The following ADCY8 variants were observed in gnomAD, a reference collection of about 807,000 sequenced individuals.
ADCY8 encodes the protein adenylate cyclase type 8.
A neutral mutation model predicts 119.7 loss-of-function variants in ADCY8; 51 were observed. That is an observed-to-expected ratio of 0.43 (90% CI 0.34 to 0.54). ADCY8 has a LOEUF of 0.54. Among genes scored for constraint, ADCY8 ranks in the 20% least tolerant of loss-of-function variants. The pLI is 0.03. For synonymous variants in ADCY8, 665 were observed against 651.0 expected, an observed-to-expected ratio of 1.02 and a Z score of -0.33; for missense variants, 1,383 against 1,598.8, an observed-to-expected ratio of 0.87 and a Z score of 2.30.
intron 11 of ADCY8, 25 bp downstream of exon 11, chr8:130,847,399 C>T: frequency 1.3e-6 from 2 of 1,556,356 alleles, no homozygotes; most frequent in Non-Finnish European, 1.8e-6. Context: ...CCAACTCTCA[C>T]CAAGGGGAGC....
At chr8:130,837,554 T>C (rs764021561) in intron 11 of ADCY8, among the ~76,000 whole-genome samples, 6 of 152,226 alleles carry the variant, frequency 3.9e-5, no homozygotes, top group Non-Finnish European at 8.8e-5. Flanking sequence ...AAATTTGGAA[T>C]TAGCCAAGAG....
At chr8:130,844,695 C>G (rs1374176538) in intron 11 of ADCY8, among the ~76,000 whole-genome samples, 3 of 152,312 alleles carry the variant, frequency 2.0e-5, no homozygotes, top group South Asian at 2.1e-4. Flanking sequence ...TATATGCACA[C>G]ACACATACAT....
chr8:130,982,900 T>A (rs1822281496), intron 2 of ADCY8, among the ~76,000 whole-genome samples: 1 of 152,224 alleles, frequency 6.6e-6, no homozygotes, highest in Non-Finnish European at 1.5e-5. Flanking sequence ...TGTCTCATTT[T>A]AAAACAGGCA....
chr8:130,909,775 ACTTC>A lies in ADCY8; in HGVS notation c.1569_1572del (p.Arg523SerfsTer54). On this transcript the variant is annotated frameshift_variant, in exon 6 of 18. Transcript: ENST00000286355. LOFTEE classifies it high-confidence loss of function. ...TCCCAAGACCAGACATCAAACTGCC[ACTTC>A]CTTAGTCCCAAAACACCGCACAGCA... is the stretch of plus-strand genomic sequence containing the variant. 6.2e-7 allele frequency: 1 copy of A among 1,614,096 alleles called. No individual in the cohort carries two copies. The highest frequency in any genetic ancestry group is 8.5e-7 in the Non-Finnish European group (1 of 1,180,012).
intron 1 of ADCY8, among the ~76,000 whole-genome samples, chr8:131,029,056 C>T (rs1246200228): frequency 6.6e-6 from 1 of 152,242 alleles, no homozygotes; most frequent in East Asian, 1.9e-4. Flanking sequence ...AGCCACTCCC[C>T]ATCGCTTGCA....
chr8:130,971,878 G>A (rs1396360914), intron 2 of ADCY8, among the ~76,000 whole-genome samples: 1 of 152,236 alleles, frequency 6.6e-6, no homozygotes, highest in South Asian at 2.1e-4. Context: ...AGATTATAAA[G>A]AGGCTTGTGT....
intron 5 of ADCY8, among the ~76,000 whole-genome samples, chr8:130,928,791 A>G (rs1224389498): frequency 6.6e-6 from 1 of 152,122 alleles, no homozygotes; most frequent in East Asian, 1.9e-4. Flanking sequence ...TGGTCTCTGG[A>G]TGATGCTAGC....
intron 7 of ADCY8, among the ~76,000 whole-genome samples, chr8:130,898,295 C>T (rs980260171): frequency 7.8e-6 from 1 of 127,692 alleles, no homozygotes; most frequent in Non-Finnish European, 1.8e-5. Flanking sequence ...AACATGGGCA[C>T]ACCACTCCCG....
chr8:130,994,551 A>G (rs1282351796), intron 1 of ADCY8, among the ~76,000 whole-genome samples: 1 of 152,194 alleles, frequency 6.6e-6, no homozygotes, highest in Non-Finnish European at 1.5e-5. Flanking sequence ...AAAAGTTTTG[A>G]AATCCATATT....
intron 15 of ADCY8, among the ~76,000 whole-genome samples, chr8:130,788,023 T>C (rs1815312085): frequency 6.6e-6 from 1 of 152,226 alleles, no homozygotes; most frequent in Non-Finnish European, 1.5e-5. Flanking sequence ...ATTTATTTCA[T>C]ATTGGCTTGG....
intron 6 of ADCY8, among the ~76,000 whole-genome samples, chr8:130,907,001 A>G (rs1172296191): frequency 1.3e-5 from 2 of 151,984 alleles, no homozygotes; most frequent in Non-Finnish European, 2.9e-5. Flanking sequence ...TGAGACAAGA[A>G]CTTTTACTTT....
chr8:130,950,580 G>A (rs1005940436), intron 3 of ADCY8, among the ~76,000 whole-genome samples: 2 of 152,160 alleles, frequency 1.3e-5, no homozygotes, highest in African/African-American at 2.4e-5. Context: ...TAAGTGCTCT[G>A]GCTTGATTTT....
At chr8:131,006,628 TCA>T (rs1446994716) in intron 1 of ADCY8, among the ~76,000 whole-genome samples, 3 of 152,170 alleles carry the variant, frequency 2.0e-5, no homozygotes, top group Non-Finnish European at 2.9e-5. Flanking sequence ...GCTTACATTT[TCA>T]CAGTCACAAT....
chr8:130,781,851 A>G (rs560432796), intron 17 of ADCY8, among the ~76,000 whole-genome samples: 9 of 152,234 alleles, frequency 5.9e-5, no homozygotes, highest in Non-Finnish European at 1.0e-4. Context: ...TCTAAAAGAC[A>G]ATTATTTCAT....
intron 9 of ADCY8, among the ~76,000 whole-genome samples, chr8:130,851,477 G>A (rs996652573): frequency 3.3e-5 from 5 of 152,164 alleles, no homozygotes; most frequent in African/African-American, 1.2e-4. Flanking sequence ...GAGTTTCCCA[G>A]TAACCCAGGC....
chr8:130,906,436 A>C (rs991545269), intron 6 of ADCY8, among the ~76,000 whole-genome samples: 2 of 152,346 alleles, frequency 1.3e-5, no homozygotes, highest in South Asian at 4.1e-4. Context: ...TCAGTATGCA[A>C]GGGGACAAAT....
chr8:130,846,548 A>C (rs6986731), intron 11 of ADCY8, among the ~76,000 whole-genome samples: 40,140 of 98,278 alleles, frequency 0.41, 6,893 homozygotes, highest in African/African-American at 0.53. Flanking sequence ...TCCTTCCTTC[A>C]TTCCTTCATT....
chr8:130,869,519 TTTTTTTG>T (rs1818253888), intron 8 of ADCY8, among the ~76,000 whole-genome samples: 1 of 34,656 alleles, frequency 2.9e-5, no homozygotes, highest in African/African-American at 1.7e-4. Flanking sequence ...TTTTTTTTTG[TTTTTTTG>T]TTTTTTTTTG....
At chr8:130,948,865 T>C (rs1395856482) in intron 3 of ADCY8, among the ~76,000 whole-genome samples, 1 of 151,988 alleles carries the variant, frequency 6.6e-6, no homozygotes, top group Non-Finnish European at 1.5e-5. Flanking sequence ...GGTCTTATTT[T>C]AGCACCCTGC....
Sources: allele counts gnomAD v4.1 joint callset (sites outside exome capture counted in the v4.1 genomes callset), GRCh38; gene constraint gnomAD v4.1.1; transcripts MANE v1.5; gene names NCBI Gene and HGNC (gene_info 2026-07-23, HGNC 2026-07-21).